BFAR: variants seen among roughly 807,000 people sequenced by gnomAD.
BFAR encodes the protein bifunctional apoptosis regulator.
Under a neutral mutation model 54.4 loss-of-function variants are expected in BFAR, and 52 were observed. That is an observed-to-expected ratio of 0.96 (90% CI 0.77 to 1.21). The LOEUF is 1.21. BFAR is among the 50% of genes most tolerant of loss of function. The pLI is 0.00. For missense variants in BFAR, 571 were observed against 534.0 expected, an observed-to-expected ratio of 1.07 and a Z score of -0.68; for synonymous variants, 215 against 204.3, an observed-to-expected ratio of 1.05 and a Z score of -0.45.
intron 1 of BFAR, among the ~76,000 whole-genome samples, chr16:14,640,506 A>G (rs1319756752): frequency 1.3e-5 from 2 of 151,956 alleles, no homozygotes; most frequent in Non-Finnish European, 2.9e-5. Context: ...TTTTTATGTC[A>G]TATCAGATTT....
chr16:14,656,616 T>C (rs1208971503), intron 5 of BFAR, among the ~76,000 whole-genome samples: 1 of 152,048 alleles, frequency 6.6e-6, no homozygotes, highest in Non-Finnish European at 1.5e-5. Context: ...TAAATAACCT[T>C]AGAGGGTCAT....
intron 1 of BFAR, among the ~76,000 whole-genome samples, chr16:14,637,830 GAA>G (rs771750716): frequency 7.4e-6 from 1 of 134,508 alleles, no homozygotes; most frequent in Non-Finnish European, 1.6e-5. Flanking sequence ...CTCCATCTCA[GAA>G]AAAAAAAAAA....
intron 4 of BFAR, 42 bp from the exon 5 acceptor site, chr16:14,655,024 A>G (rs1960082197): frequency 6.5e-7 from 1 of 1,546,636 alleles, no homozygotes. Flanking sequence ...GTTTGCTTCC[A>G]GTATATAATC....
In BFAR at chr16:14,648,566, G is replaced by A. The variant is rs146162152; in HGVS notation, c.442G>A (p.Val148Met). 2.1e-4 allele frequency: 345 copies of A among 1,613,996 alleles called. 1 individual carries two copies. In the African/African-American group the frequency reaches 3.6e-3, roughly 17 times the overall value. ...QQMGGGFFSG[V>M]LTALTGVAVV... ...GATGGGAGGGGGATTCTTTTCCGGT[G>A]TGCTCACAGCTTTAACTGGAGTGGC... The change falls in exon 3 of 8, where the codon GTG (valine) becomes ATG (methionine). Residue 148 changes from valine (V) to methionine (M), a missense_variant. By Grantham distance (21) the Val-to-Met change is conservative. Coordinates refer to ENST00000261658, the MANE Select transcript of BFAR (RefSeq NM_016561.3).
Position 14,662,051 on chromosome 16 carries a change from G to A in BFAR, c.943G>A (p.Val315Ile), listed in dbSNP as rs141864123. 28,071 of 1,614,072 alleles carry A rather than the reference G, an allele frequency of 0.017. 291 individuals carry two copies. The highest frequency in any genetic ancestry group is 0.021 in the Non-Finnish European group (24,825 of 1,180,006). Residue 315 changes from valine (V) to isoleucine (I), a missense_variant, in exon 6 of 8, where the codon GTC becomes ATC. By Grantham distance (29) the Val-to-Ile change is conservative. Transcript: ENST00000261658. ...AGAAGACAGCTCTGGGGAGGACATC[G>A]TCACCAAGCTTCTGGTAGGTCTGCA... ...LQEDSSGEDI[V>I]TKLLDLKEPT...
intron 2 of BFAR, 95 bp downstream of exon 2, chr16:14,644,704 G>C: frequency 7.1e-7 from 1 of 1,406,822 alleles, no homozygotes; most frequent in East Asian, 2.3e-5. Context: ...ATGGCGTCTC[G>C]CTATGTTGCC....
At position 14,641,019 on chromosome 16, in the gene BFAR, G is replaced by A. The variant is rs573133991; in HGVS notation, c.-73-3255G>A. Among the ~76,000 whole-genome samples, 3 of 152,290 alleles carry A rather than the reference G, an allele frequency of 2.0e-5. No homozygotes were observed. In the South Asian group the frequency reaches 6.2e-4, roughly 32 times the overall value. On this transcript the variant is annotated intron_variant, in intron 1 of 7. Coordinates refer to ENST00000261658, the MANE Select transcript of BFAR (RefSeq NM_016561.3). ...TTTTGCTGTCCTCTTCAGTTCTAAG[G>A]TGTTCAGTCTATGGTTTTAAACTTG...
rs549719277 is a variant in BFAR at position 14,640,151 on chromosome 16, C to CA, written c.-73-4109dup. On this transcript the variant is annotated intron_variant, in intron 1 of 7. Transcript: ENST00000261658. ...TGGGCAACAGAGTGAGACCTAGCTC[C>CA]AAAAAAAAAAAAAAGAAGAAGAGAG... 4.9e-3 allele frequency among the ~76,000 whole-genome samples: 535 copies of CA among 110,214 alleles called. 1 individual carries two copies. Among genetic ancestry groups the CA allele is most frequent in the East Asian group, 0.014 (55 of 3,802 alleles). The allele number at this position is 110,214 out of a possible 152,430, so 72.3% of individuals were successfully genotyped here.
chr16:14,663,706 C>A (rs1960357593), intron 6 of BFAR, among the ~76,000 whole-genome samples: 1 of 152,026 alleles, frequency 6.6e-6, no homozygotes, highest in Non-Finnish European at 1.5e-5. Flanking sequence ...AAAAAAATTA[C>A]CTTTTTTTGG....
chr16:14,652,061 A>G (rs917565967), intron 4 of BFAR, among the ~76,000 whole-genome samples: 2 of 150,980 alleles, frequency 1.3e-5, no homozygotes, highest in Non-Finnish European at 2.9e-5. Flanking sequence ...TAATTTTTGT[A>G]TTTTTAGTAG....
Position 14,648,527 on chromosome 16 carries a change from C to T in BFAR, c.403C>T (p.Arg135Ter), listed in dbSNP as rs139661061. The change falls in exon 3 of 8, where the codon CGA (arginine) becomes TGA (stop). Residue 135 changes from arginine to a stop codon, truncating the protein, a stop_gained. Coordinates refer to ENST00000261658, the MANE Select transcript of BFAR (RefSeq NM_016561.3). LOFTEE classifies it high-confidence loss of function. The stretch of plus-strand genomic sequence containing the variant: ...GATTCCTTTAGCTCCTAACACAGGC[C>T]GAGCGAATCAGCAGATGGGAGGGGG... Reference protein sequence around the residue: ...DQIPLAPNTGRANQQMGGGFF... With the variant: ...DQIPLAPNTG 2.2e-5 allele frequency: 35 copies of T among 1,613,824 alleles called. No homozygotes were observed. Among genetic ancestry groups the T allele is most frequent in the Non-Finnish European group, 2.7e-5 (32 of 1,179,966 alleles).
intron 1 of BFAR, among the ~76,000 whole-genome samples, chr16:14,636,146 A>C (rs565233990): frequency 4.1e-4 from 63 of 152,320 alleles, no homozygotes; most frequent in African/African-American, 1.5e-3. Flanking sequence ...GGTTTCCCCC[A>C]TGAAGGGGTG....
chr16:14,649,836 G>C lies in BFAR; in HGVS notation c.501G>C (p.Arg167Ser). ...VVLLVYHWSS[R>S]ESEHDLLVHK... is the part of the protein sequence containing the mutation. ...TGCTCGTCTATCACTGGAGCAGCAG[G>C]GAATCTGAACACGACCTCCTGGTCC... is the stretch of plus-strand genomic sequence containing the variant. Residue 167 changes from arginine to serine, a missense_variant, in exon 4 of 8, where the codon AGG (arginine) becomes AGC (serine). Transcript: ENST00000261658. 6.2e-7 allele frequency: 1 copy of C among 1,610,516 alleles called. No individual in the cohort carries two copies. The highest frequency in any genetic ancestry group is 8.5e-7 in the Non-Finnish European group (1 of 1,177,940).
chr16:14,646,252 C>A (rs537110256), intron 2 of BFAR, among the ~76,000 whole-genome samples: 1 of 152,184 alleles, frequency 6.6e-6, no homozygotes, highest in South Asian at 2.1e-4. Flanking sequence ...GGGGTTTCCC[C>A]ATGTTGATGA....
chr16:14,642,033 A>G (rs1475487516), intron 1 of BFAR, among the ~76,000 whole-genome samples: 1 of 152,084 alleles, frequency 6.6e-6, no homozygotes, highest in African/African-American at 2.4e-5. Flanking sequence ...GCTGAGCCTC[A>G]CCGCTGGTAA....
intron 4 of BFAR, among the ~76,000 whole-genome samples, chr16:14,650,982 G>C (rs538722058): frequency 6.6e-6 from 1 of 152,152 alleles, no homozygotes; most frequent in East Asian, 1.9e-4. Context: ...TTATCAAATT[G>C]TGTAAGGAAA....
intron 5 of BFAR, among the ~76,000 whole-genome samples, chr16:14,659,737 A>T (rs1400009757): frequency 6.6e-6 from 1 of 150,666 alleles, no homozygotes; most frequent in African/African-American, 2.5e-5. Context: ...TTTTTAGTAG[A>T]GACGGGATTT....
At chr16:14,649,257 G>A (rs1436027587) in intron 3 of BFAR, among the ~76,000 whole-genome samples, 1 of 151,760 alleles carries the variant, frequency 6.6e-6, no homozygotes, top group Non-Finnish European at 1.5e-5. Flanking sequence ...TGTGTGATTA[G>A]TAGAGATGGG....
chr16:14,639,575 A>G (rs1959559217), intron 1 of BFAR, among the ~76,000 whole-genome samples: 2 of 152,108 alleles, frequency 1.3e-5, no homozygotes, highest in Admixed American at 6.6e-5. Flanking sequence ...TGGTAGACAG[A>G]GCCTCCTAAA....
Sources: gnomAD v4.1 joint callset for allele counts (sites outside exome capture counted in the v4.1 genomes callset) on GRCh38, gnomAD v4.1.1 for gene constraint, MANE v1.5 for transcripts, NCBI Gene and HGNC (gene_info 2026-07-23, HGNC 2026-07-21) for gene names.